The following GOLGA8A variants were observed in gnomAD, a reference collection of about 807,000 sequenced individuals.
GOLGA8A encodes golgin subfamily A member 8A.
GOLGA8A carries 3 observed loss-of-function variants against 22.1 expected under a neutral mutation model. The observed-to-expected ratio is 0.14, with a 90% CI of 0.06 to 0.35. GOLGA8A has a LOEUF of 0.35. GOLGA8A is among the 10% of genes least tolerant of loss of function. The pLI is 1.00. For synonymous variants in GOLGA8A, 7 were observed against 91.7 expected (o/e 0.08, Z 5.28); for missense variants, 16 against 233.2 (o/e 0.07, Z 6.07).
rs141084002 is a variant in GOLGA8A at position 34,381,600 on chromosome 15, C to T, written c.1623G>A (p.Ala541=). The change falls in exon 25 of 25, where the codon GCG becomes GCA. Residue 541 remains alanine (A), a synonymous_variant. Coordinates refer to ENST00000359187, the MANE Select transcript of GOLGA8A (RefSeq NM_181077.5). ...AADKHGDLCE[A]SLTNSVEPAQ... ...CAGGCTCCACGCTGTTGGTGAGGCT[C>T]GCCTCACAAAGATCTTTGGAGAGAG... The T allele has an allele frequency of 4.8e-5, 71 of 1,465,422 alleles. No individual in the cohort carries two copies. In the African/African-American group the frequency reaches 6.9e-4, roughly 14 times the overall value. The allele number at this position is 1,465,422 out of a possible 1,614,324, so 90.8% of individuals were successfully genotyped here. A position where few individuals can be genotyped will look rare whatever the true frequency, so the allele number is the denominator to read the frequency against.
intron 11 of GOLGA8A, chr15:34,387,594 CTT>C: frequency 4.1e-4 from 1 of 2,418 alleles, no homozygotes; most frequent in Non-Finnish European, 6.8e-4. Context: ...CCACGCCCGG[CTT>C]TTTTTTTTGT....
intron 2 of GOLGA8A, among the ~76,000 whole-genome samples, chr15:34,429,396 C>T (rs1400684827): frequency 1.4e-5 from 2 of 146,128 alleles, no homozygotes; most frequent in African/African-American, 5.1e-5. Flanking sequence ...CTGCCAAAAA[C>T]TTGGCCCTCC....
In GOLGA8A at chr15:34,433,137, A is replaced by G. The variant is rs189656044; in HGVS notation, c.-1123+2246T>C. Among the ~76,000 whole-genome samples, 405 of 148,954 alleles carry G rather than the reference A, an allele frequency of 2.7e-3. 37 individuals are homozygous for G. In the Middle Eastern group the frequency reaches 0.034, roughly 13 times the overall value. ...CTGACCTCCCAGTCCCTTTCTCATA[A>G]AACCAAAGCATCTTCTCCAACCAGG... is the stretch of plus-strand genomic sequence containing the variant. On this transcript the variant is annotated intron_variant, in intron 2 of 24. Transcript: ENST00000359187.
intron 2 of GOLGA8A, among the ~76,000 whole-genome samples, chr15:34,431,545 C>T (rs554199867): frequency 1.4e-5 from 2 of 147,552 alleles, no homozygotes; most frequent in African/African-American, 5.0e-5. Flanking sequence ...GTACAGTCTA[C>T]TGCTCCTAGG....
At chr15:34,430,787 C>T (rs73376086) in intron 2 of GOLGA8A, among the ~76,000 whole-genome samples, 2 of 149,800 alleles carry the variant, frequency 1.3e-5, no homozygotes, top group Non-Finnish European at 3.0e-5. Flanking sequence ...GGGACACAGA[C>T]CTCCACGTGC....
chr15:34,431,655 CCT>C (rs1386936254), intron 2 of GOLGA8A, among the ~76,000 whole-genome samples: 3 of 148,072 alleles, frequency 2.0e-5, no homozygotes, highest in Admixed American at 6.8e-5. Flanking sequence ...ACATGGTGCC[CCT>C]GTCTAGGGCA....
intron 2 of GOLGA8A, among the ~76,000 whole-genome samples, chr15:34,425,587 GT>G (rs1407894358): frequency 6.9e-6 from 1 of 144,880 alleles, no homozygotes; most frequent in East Asian, 2.1e-4. Context: ...AAGCTTGATA[GT>G]TTTAACAATG....
Position 34,424,357 on chromosome 15 carries a change from C to CTG in GOLGA8A, c.-1123+11025_-1123+11026insCA, listed in dbSNP as rs1304861716. Among the ~76,000 whole-genome samples the CTG allele has an allele frequency of 1.1e-4, 15 of 130,838 alleles. 1 individual carries two copies. Among genetic ancestry groups the CTG allele is most frequent in the African/African-American group, 1.7e-4 (6 of 35,094 alleles). 85.8% of individuals were successfully genotyped at this position (130,838 alleles called of 152,430 possible). A position where few individuals can be genotyped will look rare whatever the true frequency, so the allele number is the denominator to read the frequency against. On this transcript the variant is annotated intron_variant, in intron 2 of 24. Coordinates refer to ENST00000359187, the MANE Select transcript of GOLGA8A (RefSeq NM_181077.5). ...GAGTGGACTAGTATCAAACACCCCT[C>CTG]CACGATGGACCCCATAACAAAAGGC...
chr15:34,424,837 T>C (rs912469103), intron 2 of GOLGA8A, among the ~76,000 whole-genome samples: 3 of 134,886 alleles, frequency 2.2e-5, no homozygotes, highest in South Asian at 2.8e-4. Context: ...GGGTGGCTCA[T>C]GCCTGTAATC....
intron 2 of GOLGA8A, among the ~76,000 whole-genome samples, chr15:34,429,923 A>G (rs117369337): frequency 0.088 from 13,031 of 147,320 alleles, 1,378 homozygotes; most frequent in South Asian, 0.23. Flanking sequence ...CCTATGTGAC[A>G]GATAAAAGGA....
intron 2 of GOLGA8A, among the ~76,000 whole-genome samples, chr15:34,433,972 AG>A (rs1893372048): frequency 6.7e-6 from 1 of 149,152 alleles, no homozygotes; most frequent in East Asian, 2.0e-4. Flanking sequence ...GCTGATGCCA[AG>A]GGGGTGGGAA....
At chr15:34,423,617 G>C (rs1417440552) in intron 2 of GOLGA8A, among the ~76,000 whole-genome samples, 1 of 148,924 alleles carries the variant, frequency 6.7e-6, no homozygotes, top group Non-Finnish European at 1.5e-5. Context: ...GTCAACGCTA[G>C]AACATAAATG....
At chr15:34,421,736 G>A (rs1360928154) in intron 2 of GOLGA8A, among the ~76,000 whole-genome samples, 2 of 137,544 alleles carry the variant, frequency 1.5e-5, no homozygotes, top group African/African-American at 5.5e-5. Flanking sequence ...CTGGAAGGAA[G>A]GATACGACTG....
chr15:34,432,489 C>A (rs889646009), intron 2 of GOLGA8A, among the ~76,000 whole-genome samples: 6 of 148,980 alleles, frequency 4.0e-5, no homozygotes, highest in Non-Finnish European at 7.4e-5. Flanking sequence ...CTGTCCCCAG[C>A]CTCCTCGTTG....
In GOLGA8A at chr15:34,398,113, T is replaced by TA. The variant is rs551341247; in HGVS notation, c.-382+520dup. Among the ~76,000 whole-genome samples the TA allele has an allele frequency of 2.4e-3, 348 of 147,940 alleles. 1 individual carries two copies. In the Middle Eastern group the frequency reaches 0.024, roughly 10 times the overall value. On this transcript the variant is annotated intron_variant, in intron 8 of 24. Coordinates refer to ENST00000359187, the MANE Select transcript of GOLGA8A (RefSeq NM_181077.5). ...TTCTTGCTAAAAGTCATGGTCATGG[T>TA]AAAAAACCTATGGCTTTGCAAGGCT... is the stretch of plus-strand genomic sequence containing the variant.
chr15:34,400,276 AAT>A (rs1287804289), intron 6 of GOLGA8A, among the ~76,000 whole-genome samples: 1 of 119,058 alleles, frequency 8.4e-6, no homozygotes, highest in Admixed American at 9.2e-5. Flanking sequence ...GCTGGAGTGC[AAT>A]GGCACAATCT....
In GOLGA8A at chr15:34,381,576, A is replaced by G; in HGVS notation, c.1647T>C (p.Pro549=). The change falls in exon 25 of 25, where the codon CCT becomes CCC. Residue 549 remains proline (P), a synonymous_variant. Transcript: ENST00000359187. ...AACCCTCCCTGGCTTCTCCTTGTGC[A>G]GGCTCCACGCTGTTGGTGAGGCTCG... ...CEASLTNSVE[P]AQGEAREGSS... is the part of the protein sequence containing the mutation. The G allele has an allele frequency of 6.3e-7, 1 of 1,596,022 alleles. No homozygotes were observed. The highest frequency in any genetic ancestry group is 8.6e-7 in the Non-Finnish European group (1 of 1,168,860).
chr15:34,436,582 C>T (rs1403288356), intron 1 of GOLGA8A, among the ~76,000 whole-genome samples: 2 of 150,176 alleles, frequency 1.3e-5, no homozygotes, highest in South Asian at 2.1e-4. Flanking sequence ...CAGGACAGGC[C>T]CCTCCGCGGG....
chr15:34,398,129 T>C (rs1404533878), intron 8 of GOLGA8A, among the ~76,000 whole-genome samples: 2 of 147,324 alleles, frequency 1.4e-5, no homozygotes, highest in Non-Finnish European at 3.1e-5. Context: ...ACCTATGGCT[T>C]TGCAAGGCTT....
Sources: allele counts gnomAD v4.1 joint callset (sites outside exome capture counted in the v4.1 genomes callset), GRCh38; gene constraint gnomAD v4.1.1; transcripts MANE v1.5; gene names NCBI Gene and HGNC (gene_info 2026-07-23, HGNC 2026-07-21).